The following SUN1 variants were observed in gnomAD, a reference collection of about 807,000 sequenced individuals.
SUN1 encodes Sad1 and UNC84 domain containing 1.
SUN1 carries 61 observed loss-of-function variants against 103.2 expected under a neutral mutation model. The observed-to-expected ratio is 0.59, with a 90% CI of 0.48 to 0.73. SUN1 has a LOEUF of 0.73. Ranked by LOEUF, SUN1 falls within the 30% of genes least tolerant of loss-of-function variation. The pLI, the probability that SUN1 is intolerant of heterozygous loss-of-function variation, is 0.00. For synonymous variants in SUN1, 490 were observed against 425.7 expected (o/e 1.15, Z -1.86); for missense variants, 1,052 against 1,034.6 (o/e 1.02, Z -0.23).
chr7:840,012 T>C (rs1807688201), intron 2 of SUN1, among the ~76,000 whole-genome samples: 1 of 152,212 alleles, frequency 6.6e-6, no homozygotes, highest in Non-Finnish European at 1.5e-5. Flanking sequence ...GTCTACAAGA[T>C]CTTTGTGCCA....
intron 2 of SUN1, among the ~76,000 whole-genome samples, chr7:841,107 A>G (rs1241071322): frequency 6.7e-6 from 1 of 148,308 alleles, no homozygotes; most frequent in Non-Finnish European, 1.5e-5. Context: ...CTAATTTTGT[A>G]TTTTTAGTAG....
chr7:844,912 C>T (rs897828845), intron 5 of SUN1, among the ~76,000 whole-genome samples: 3 of 152,126 alleles, frequency 2.0e-5, no homozygotes, highest in Admixed American at 1.3e-4. Flanking sequence ...CCCAGGGCCC[C>T]GGGGGTGCTG....
chr7:821,578 T>G (rs1031601048), intron 1 of SUN1, among the ~76,000 whole-genome samples: 2 of 152,186 alleles, frequency 1.3e-5, no homozygotes, highest in Non-Finnish European at 2.9e-5. Context: ...CTTTATAGTG[T>G]CTCCAGATTC....
At chr7:831,411 A>G (rs1166795214), upstream of SUN1, among the ~76,000 whole-genome samples, 2 of 151,756 alleles carry the variant, frequency 1.3e-5, no homozygotes, top group African/African-American at 4.8e-5. Flanking sequence ...AGCTGGGACT[A>G]CAGGTGCCCG....
intron 5 of SUN1, among the ~76,000 whole-genome samples, chr7:845,663 C>A (rs1814853255): frequency 6.6e-6 from 1 of 152,188 alleles, no homozygotes; most frequent in Non-Finnish European, 1.5e-5. Flanking sequence ...AATTGTCCCT[C>A]CACATTTTGT....
intron 5 of SUN1, among the ~76,000 whole-genome samples, chr7:847,302 G>C (rs1316283679): frequency 1.3e-5 from 2 of 151,012 alleles, no homozygotes; most frequent in African/African-American, 4.9e-5. Context: ...TCCCCTGGGG[G>C]TTACTCCGCA....
At chr7:854,832 A>G in intron 10 of SUN1, 88 bp from the exon 11 acceptor site, 1 of 873,426 alleles carries the variant, frequency 1.1e-6, no homozygotes, top group Non-Finnish European at 1.9e-6. Flanking sequence ...GATTGTCGGT[A>G]TTCCGTGTAG....
chr7:853,639 AG>A, intron 10 of SUN1, 21 bp downstream of exon 10: 1 of 1,596,550 alleles, frequency 6.3e-7, no homozygotes, highest in Non-Finnish European at 8.5e-7. Context: ...CCGGGCTACC[AG>A]GCTCCATGGT....
chr7:834,060 G>C (rs577826167), intron 1 of SUN1, among the ~76,000 whole-genome samples: 1 of 151,908 alleles, frequency 6.6e-6, no homozygotes, highest in East Asian at 1.9e-4. Context: ...GCAGGGGCTG[G>C]CCGGAGTGGT....
chr7:860,033 A>G, intron 13 of SUN1, 95 bp from the exon 14 acceptor site: 2 of 1,445,072 alleles, frequency 1.4e-6, no homozygotes, highest in South Asian at 1.3e-5. Flanking sequence ...TTGAGAGGAT[A>G]TATAATTCTT....
At chr7:832,471 A>G, upstream of SUN1, 1 of 1,565,424 alleles carries the variant, frequency 6.4e-7, no homozygotes, top group Non-Finnish European at 8.7e-7. Flanking sequence ...CCTGCCCGTT[A>G]AAACACTCTG....
chr7:820,979 T>C (rs1366252481), intron 1 of SUN1, among the ~76,000 whole-genome samples: 1 of 152,142 alleles, frequency 6.6e-6, no homozygotes, highest in African/African-American at 2.4e-5. Flanking sequence ...TGCATGCTTA[T>C]GACTCAACTT....
Position 869,363 on chromosome 7 carries a change from C to G in SUN1, c.1995C>G (p.Pro665=). 1 of 1,613,556 alleles carries G rather than the reference C, an allele frequency of 6.2e-7. No individual in the cohort carries two copies. Among genetic ancestry groups the G allele is most frequent in the Non-Finnish European group, 8.5e-7 (1 of 1,179,678 alleles). The change falls in exon 17 of 19, where the codon CCC becomes CCG. Residue 665 remains proline (P), a synonymous_variant. Transcript: ENST00000401592. The stretch of plus-strand genomic sequence containing the variant: ...CCTTTCCCCAGCCTGACATTTACCC[C>G]GGTAACTGCTGGGCATTTAAAGGCT... The part of the protein sequence containing the change: ...PRVVIQPDIY[P]GNCWAFKGSQ...
chr7:841,444 G>A (rs13236533), intron 2 of SUN1, among the ~76,000 whole-genome samples: 116,848 of 151,190 alleles, frequency 0.77, 45,271 homozygotes, highest in Admixed American at 0.83. Flanking sequence ...GGGTTTCACC[G>A]TGTTGGCCAG....
chr7:869,474 A>G lies in SUN1; in HGVS notation c.2106A>G (p.Pro702=). 1 of 1,613,856 alleles carries G rather than the reference A, an allele frequency of 6.2e-7. No individual in the cohort carries two copies. The highest frequency in any genetic ancestry group is 8.5e-7 in the Non-Finnish European group (1 of 1,179,856). ...AGCACATCCCTAAGACGCTGTCGCC[A>G]ACAGGCAACATCAGCAGCGCCCCCA... ...TLEHIPKTLS[P]TGNISSAPKD... is the part of the protein sequence containing the mutation. The change falls in exon 17 of 19, where the codon CCA becomes CCG. Residue 702 remains proline, a synonymous_variant. Transcript: ENST00000401592.
chr7:866,109 G>A (rs1836292965), intron 16 of SUN1, 42 bp downstream of exon 16: 1 of 1,562,432 alleles, frequency 6.4e-7, no homozygotes, highest in Admixed American at 1.7e-5. Flanking sequence ...TCTTCAGCAT[G>A]GACTCGGTTA....
chr7:840,128 A>G (rs1019069381), intron 2 of SUN1, among the ~76,000 whole-genome samples: 1 of 152,200 alleles, frequency 6.6e-6, no homozygotes, highest in African/African-American at 2.4e-5. Flanking sequence ...GTTAAGAGCG[A>G]TGGCGGAATG....
intron 17 of SUN1, 121 bp downstream of exon 17, chr7:869,637 G>A: frequency 2.8e-5 from 34 of 1,233,544 alleles, no homozygotes; most frequent in Non-Finnish European, 3.7e-5. Flanking sequence ...CCCTCTCTCA[G>A]ATTCGGTGTT....
intron 1 of SUN1, among the ~76,000 whole-genome samples, chr7:835,339 C>T (rs1455323034): frequency 6.6e-6 from 1 of 152,234 alleles, no homozygotes; most frequent in Non-Finnish European, 1.5e-5. Context: ...TCCCCTGGAA[C>T]TTCACTGGAT....
Sources: allele counts gnomAD v4.1 joint callset (sites outside exome capture counted in the v4.1 genomes callset), GRCh38; gene constraint gnomAD v4.1.1; transcripts MANE v1.5; gene names NCBI Gene and HGNC (gene_info 2026-07-23, HGNC 2026-07-21).